Variants in CHD9 observed in about 807,000 individuals in gnomAD.
CHD9 encodes the protein chromodomain helicase DNA binding protein 9.
A neutral mutation model predicts 316.1 loss-of-function variants in CHD9; 77 were observed. The ratio of observed to expected loss-of-function variants is 0.24; its 90% CI spans 0.20 to 0.29. The LOEUF is 0.29. Ranked by LOEUF, CHD9 falls within the 10% of genes least tolerant of loss-of-function variation. The probability of loss-of-function intolerance (pLI) is 1.00; values close to 1 mark genes in which losing one functional copy is unlikely to be tolerated. For missense variants in CHD9, 2,763 were observed against 3,438.1 expected, an observed-to-expected ratio of 0.80 and a Z score of 4.91; for synonymous variants, 1,129 against 1,158.3, an observed-to-expected ratio of 0.97 and a Z score of 0.51.
chr16:53,140,769 T>C (rs1246415842), intron 1 of CHD9, among the ~76,000 whole-genome samples: 1 of 152,160 alleles, frequency 6.6e-6, no homozygotes, highest in Non-Finnish European at 1.5e-5. Context: ...TAAAAAATGT[T>C]TTGGAGAGAC....
intron 17 of CHD9, among the ~76,000 whole-genome samples, chr16:53,251,300 T>G (rs2050107303): frequency 6.6e-6 from 1 of 152,242 alleles, no homozygotes; most frequent in African/African-American, 2.4e-5. Context: ...ATGTTTGTAC[T>G]TATAAGTGCC....
chr16:53,171,861 GACACACACACACACACAC>G (rs750572537), intron 2 of CHD9, among the ~76,000 whole-genome samples: 34,711 of 124,876 alleles, frequency 0.28, 4,368 homozygotes, highest in Middle Eastern at 0.37. Flanking sequence ...CACACACACA[GACACACACACACACACAC>G]ACACACACAC....
At chr16:53,238,692 C>T in intron 12 of CHD9, 106 bp downstream of exon 12, 2 of 1,131,274 alleles carry the variant, frequency 1.8e-6, no homozygotes, top group South Asian at 1.5e-5. Context: ...AATTGCCTAC[C>T]TAGATCTTAG....
intron 1 of CHD9, among the ~76,000 whole-genome samples, chr16:53,136,127 T>C (rs187248890): frequency 7.4e-4 from 113 of 152,290 alleles, no homozygotes; most frequent in African/African-American, 2.6e-3. Flanking sequence ...ATTTCTAAAA[T>C]AGCTGTCAGA....
chr16:53,321,298 A>G (rs1025584164), intron 37 of CHD9: 85 of 1,348,786 alleles, frequency 6.3e-5, no homozygotes, highest in Non-Finnish European at 8.0e-5. Context: ...TTACTGTTCT[A>G]GTTATTCTAC....
intron 2 of CHD9, among the ~76,000 whole-genome samples, chr16:53,176,545 G>A (rs1364754811): frequency 6.6e-6 from 1 of 152,132 alleles, no homozygotes; most frequent in Non-Finnish European, 1.5e-5. Context: ...AAGCCATAAA[G>A]GTCAATTAGA....
intron 2 of CHD9, chr16:53,208,043 T>G (rs2046020760): frequency 1.0e-6 from 1 of 994,638 alleles, no homozygotes. Flanking sequence ...TGTGCTTTGT[T>G]GGAATCTGGC....
chr16:53,205,954 C>CT (rs956727157), intron 2 of CHD9, among the ~76,000 whole-genome samples: 103 of 149,064 alleles, frequency 6.9e-4, no homozygotes, highest in African/African-American at 1.5e-3. Flanking sequence ...ATTTCTTTTA[C>CT]TTTTTTTTTT....
intron 29 of CHD9, 72 bp downstream of exon 29, chr16:53,293,124 C>A (rs971429114): frequency 6.8e-6 from 9 of 1,329,110 alleles, no homozygotes; most frequent in South Asian, 3.9e-5. Flanking sequence ...TGTCTGGGTA[C>A]AATTATCACG....
intron 22 of CHD9, among the ~76,000 whole-genome samples, chr16:53,269,089 G>T (rs2051968397): frequency 6.6e-6 from 1 of 152,054 alleles, no homozygotes; most frequent in East Asian, 1.9e-4. Context: ...TCACAGACAT[G>T]AGCCACCATG....
At chr16:53,184,348 G>A (rs185421257) in intron 2 of CHD9, among the ~76,000 whole-genome samples, 1 of 151,992 alleles carries the variant, frequency 6.6e-6, no homozygotes, top group East Asian at 1.9e-4. Flanking sequence ...TTGTTGTTAC[G>A]GTTTTTGAAA....
At position 53,242,894 on chromosome 16, in the gene CHD9, A is replaced by G. The variant is rs1197819143; in HGVS notation, c.2932A>G (p.Met978Val). The G allele has an allele frequency of 6.2e-7, 1 of 1,613,576 alleles. No homozygotes were observed. The highest frequency in any genetic ancestry group is 8.5e-7 in the Non-Finnish European group (1 of 1,179,654). ...RFQAIITTFEMILGGCGELNA... is the reference protein window; with the variant it reads ...RFQAIITTFEVILGGCGELNA... The stretch of plus-strand genomic sequence containing the variant: ...CCAAGCCATCATCACCACTTTTGAA[A>G]TGATTCTTGGAGGCTGTGGAGAGCT... Residue 978 changes from methionine to valine, a missense_variant, in exon 13 of 39, where the codon ATG (methionine) becomes GTG (valine). This residue lies in a region of CHD9 where 155 missense variants were observed against 291.8 expected (regional missense o/e 0.53). Transcript: ENST00000447540.
chr16:53,079,524 T>C (rs533430402), intron 1 of CHD9, among the ~76,000 whole-genome samples: 2 of 152,296 alleles, frequency 1.3e-5, no homozygotes, highest in African/African-American at 4.8e-5. Context: ...CCTGGGAATT[T>C]TCTGAATGGT....
At chr16:53,217,410 C>T (rs1485975928) in intron 3 of CHD9, among the ~76,000 whole-genome samples, 4 of 152,140 alleles carry the variant, frequency 2.6e-5, no homozygotes, top group African/African-American at 4.8e-5. Flanking sequence ...TGTGCCATCA[C>T]GCCTAGCTGA....
intron 1 of CHD9, among the ~76,000 whole-genome samples, chr16:53,119,623 A>C (rs1179559897): frequency 6.6e-6 from 1 of 152,170 alleles, no homozygotes; most frequent in Non-Finnish European, 1.5e-5. Context: ...ACCTGAGATC[A>C]GGAGTTCAAG....
chr16:53,220,516 C>T (rs573818705), intron 3 of CHD9, among the ~76,000 whole-genome samples: 1 of 152,174 alleles, frequency 6.6e-6, no homozygotes, highest in African/African-American at 2.4e-5. Flanking sequence ...GCCTTATCAT[C>T]GGTTTCCCTT....
intron 1 of CHD9, among the ~76,000 whole-genome samples, chr16:53,075,550 T>A (rs1247868761): frequency 6.6e-6 from 1 of 152,136 alleles, no homozygotes; most frequent in Non-Finnish European, 1.5e-5. Context: ...ATGGGGGCGG[T>A]TTCCCCCATA....
intron 1 of CHD9, among the ~76,000 whole-genome samples, chr16:53,094,313 G>A (rs1163418416): frequency 2.6e-5 from 4 of 152,168 alleles, no homozygotes; most frequent in Non-Finnish European, 5.9e-5. Context: ...CACAGGAACT[G>A]GAAGTCTGTA....
rs1428593137 is a variant in CHD9, at chr16:53,303,868, T to G, written c.5862T>G (p.Asn1954Lys). 2 of 1,614,010 alleles carry G rather than the reference T, an allele frequency of 1.2e-6. No homozygotes were observed. Among genetic ancestry groups the G allele is most frequent in the Non-Finnish European group, 1.7e-6 (2 of 1,179,874 alleles). Residue 1954 changes from asparagine (N) to lysine (K), a missense_variant, in exon 31 of 39, where the codon AAT becomes AAG. Asn to Lys is a moderately conservative substitution (Grantham distance 94, BLOSUM62 0). Transcript: ENST00000447540. ...LFERLKLCHP[N>K]PDLPVWWECG... ...AACGCTTGAAGCTTTGCCATCCAAA[T>G]CCAGATTTACCAGTCTGGTGGGAAT...
Sources: allele counts gnomAD v4.1 joint callset (sites outside exome capture counted in the v4.1 genomes callset), GRCh38; gene constraint gnomAD v4.1.1; regional missense constraint gnomAD v4.1.1; transcripts MANE v1.5; gene names NCBI Gene and HGNC (gene_info 2026-07-23, HGNC 2026-07-21).